PTPRN2: variants seen among roughly 807,000 people sequenced by gnomAD.
PTPRN2 encodes the protein receptor-type tyrosine-protein phosphatase N2.
A neutral mutation model predicts 118.8 loss-of-function variants in PTPRN2; 74 were observed. The ratio of observed to expected loss-of-function variants is 0.62; its 90% CI spans 0.52 to 0.76. The LOEUF is 0.76. PTPRN2 is among the 30% of genes least tolerant of loss of function. The pLI is 0.00. For synonymous variants in PTPRN2, 641 were observed against 608.0 expected (o/e 1.05, Z -0.80); for missense variants, 1,481 against 1,394.4 (o/e 1.06, Z -0.99).
At chr7:158,265,699 C>T (rs891401221) in intron 3 of PTPRN2, among the ~76,000 whole-genome samples, 4 of 152,202 alleles carry the variant, frequency 2.6e-5, no homozygotes, top group South Asian at 2.1e-4. Context: ...AGCACAGCCC[C>T]GGGTACACAG....
intron 12 of PTPRN2, among the ~76,000 whole-genome samples, chr7:157,894,678 T>G (rs1797000298): frequency 6.6e-6 from 1 of 151,934 alleles, no homozygotes; most frequent in African/African-American, 2.4e-5. Context: ...TGAGTTCCTA[T>G]AGTCACACGA....
At chr7:158,121,491 C>T (rs113802516) in intron 9 of PTPRN2, among the ~76,000 whole-genome samples, 1,766 of 152,342 alleles carry the variant, frequency 0.012, 37 homozygotes, top group African/African-American at 0.041. Context: ...AAGCCTACTG[C>T]CCCCTGCGGA....
At chr7:158,152,231 G>A (rs73173628) in intron 6 of PTPRN2, among the ~76,000 whole-genome samples, 9,076 of 149,988 alleles carry the variant, frequency 0.061, 353 homozygotes, top group South Asian at 0.1. Context: ...TTGATGCTGC[G>A]AAGAAATAAC....
chr7:158,101,735 A>G (rs1239114116), intron 10 of PTPRN2, among the ~76,000 whole-genome samples: 1 of 152,220 alleles, frequency 6.6e-6, no homozygotes, highest in African/African-American at 2.4e-5. Context: ...AATCTCACCC[A>G]GCACAGTAGT....
intron 14 of PTPRN2, among the ~76,000 whole-genome samples, chr7:157,644,817 A>C (rs1043087311): frequency 2.9e-5 from 4 of 136,468 alleles, no homozygotes; most frequent in African/African-American, 5.2e-5. Context: ...AAAAAAAAAC[A>C]AAAAACAAAA....
Position 158,324,059 on chromosome 7 carries a change from GCACA to G in PTPRN2, c.164-7131_164-7128del, listed in dbSNP as rs57802533. Among the ~76,000 whole-genome samples, 441 of 151,022 alleles carry G rather than the reference GCACA, an allele frequency of 2.9e-3. 3 individuals carry two copies. Among genetic ancestry groups the G allele is most frequent in the African/African-American group, 6.1e-3 (250 of 41,214 alleles). On this transcript the variant is annotated intron_variant, in intron 2 of 22. Transcript: ENST00000389418. Reference sequence around the variant, plus strand: ...CACGTACACACACATTTGCAAACGTGCACACACACACACACACACCCAGACACAC... The same window carrying G: ...CACGTACACACACATTTGCAAACGTGCACACACACACACACCCAGACACAC...
intron 1 of PTPRN2, among the ~76,000 whole-genome samples, chr7:158,560,439 T>TG (rs1563435175): frequency 6.6e-6 from 1 of 152,218 alleles, no homozygotes; most frequent in East Asian, 1.9e-4. Flanking sequence ...AGGGGACAAA[T>TG]GGGGGGTTTG....
intron 2 of PTPRN2, among the ~76,000 whole-genome samples, chr7:158,321,457 A>G (rs937086915): frequency 1.1e-4 from 16 of 151,936 alleles, no homozygotes; most frequent in African/African-American, 3.6e-4. Context: ...ACATGACCCT[A>G]TCGTCGAAGC....
chr7:157,570,602 C>G (rs952186167), intron 20 of PTPRN2, among the ~76,000 whole-genome samples: 9 of 152,200 alleles, frequency 5.9e-5, no homozygotes, highest in South Asian at 2.1e-4. Context: ...GTTGAGTTTT[C>G]TTTGCGTAAA....
At chr7:157,901,098 G>C (rs1038103559) in intron 11 of PTPRN2, among the ~76,000 whole-genome samples, 5 of 152,222 alleles carry the variant, frequency 3.3e-5, no homozygotes, top group African/African-American at 2.4e-5. Context: ...AGCTCACATG[G>C]GGAGAGAGGA....
chr7:157,685,360 A>ACG (rs1244175874), intron 12 of PTPRN2, among the ~76,000 whole-genome samples: 2 of 148,868 alleles, frequency 1.3e-5, no homozygotes, highest in African/African-American at 4.9e-5. Context: ...TGAGGCCCAC[A>ACG]CGCGCGCGGT....
chr7:158,171,214 CACACATATATACACACATATATAT>C, intron 5 of PTPRN2, among the ~76,000 whole-genome samples: 1 of 122,096 alleles, frequency 8.2e-6, no homozygotes, highest in African/African-American at 3.3e-5. Context: ...ACTATATATA[CACACATATATACACACATATATAT>C]ACACATATAT....
rs147146441 is a variant in PTPRN2, at chr7:158,122,892, C to T, written c.1556+10785G>A. Among the ~76,000 whole-genome samples, 713 of 152,292 alleles carry T rather than the reference C, an allele frequency of 4.7e-3. 10 individuals carry two copies. The highest frequency in any genetic ancestry group is 0.016 in the African/African-American group (681 of 41,566). Reference sequence around the variant, plus strand: ...AGGAAGCCTGCATAAAACTTCTCCACGTCTCATTTTGGCAGCCTTGTTACT... The same window carrying T: ...AGGAAGCCTGCATAAAACTTCTCCATGTCTCATTTTGGCAGCCTTGTTACT... On this transcript the variant is annotated intron_variant, in intron 9 of 22. Coordinates refer to ENST00000389418, the MANE Select transcript of PTPRN2 (RefSeq NM_002847.5).
At chr7:157,875,019 A>ACAGACACACG (rs1795660331) in intron 12 of PTPRN2, among the ~76,000 whole-genome samples, 1 of 149,474 alleles carries the variant, frequency 6.7e-6, no homozygotes, top group Non-Finnish European at 1.5e-5. Context: ...ACACAGACAC[A>ACAGACACACG]CAGACACACG....
At chr7:158,359,455 G>T (rs980665669) in intron 2 of PTPRN2, among the ~76,000 whole-genome samples, 2 of 152,134 alleles carry the variant, frequency 1.3e-5, no homozygotes, top group Non-Finnish European at 2.9e-5. Flanking sequence ...CAGCCGGGGG[G>T]ACCCAGCTGG....
Position 157,611,603 on chromosome 7 carries a change from C to T in PTPRN2, c.2345-7528G>A, listed in dbSNP as rs532161712. ...GAAATAGGGTCTTTACAGAGGTAAG[C>T]GAGCGGAGGGCATTTGGGCGGCCCT... On this transcript the variant is annotated intron_variant, in intron 15 of 22. Coordinates refer to ENST00000389418, the MANE Select transcript of PTPRN2 (RefSeq NM_002847.5). This position sits in a 1 kb window ranked among gnomAD's most constrained non-coding sequence, Gnocchi z 5.9. Among the ~76,000 whole-genome samples, 31 of 152,256 alleles carry T rather than the reference C, an allele frequency of 2.0e-4. No homozygotes were observed. The highest frequency in any genetic ancestry group is 5.2e-4 in the Admixed American group (8 of 15,304).
At chr7:157,934,066 C>G (rs956058717) in intron 11 of PTPRN2, among the ~76,000 whole-genome samples, 1 of 152,172 alleles carries the variant, frequency 6.6e-6, no homozygotes, top group Non-Finnish European at 1.5e-5. Context: ...TGCTCTTTGT[C>G]GAGAACACCA....
chr7:157,893,591 G>A lies in PTPRN2; in HGVS notation c.1788+5082C>T, dbSNP rs1203135360. 3.9e-5 allele frequency among the ~76,000 whole-genome samples: 6 copies of A among 152,176 alleles called. No individual in the cohort carries two copies. The highest frequency in any genetic ancestry group is 6.6e-5 in the Admixed American group (1 of 15,258). On this transcript the variant is annotated intron_variant, in intron 12 of 22. Coordinates refer to ENST00000389418, the MANE Select transcript of PTPRN2 (RefSeq NM_002847.5). The surrounding 1 kb of genome is among the most constrained non-coding windows in gnomAD (Gnocchi z 4.0). ...CCATTAAGAGATAAGAAAACCTGAC[G>A]GGAGAAACAGGCTGCGGCAGGAAGA...
intron 9 of PTPRN2, among the ~76,000 whole-genome samples, chr7:158,129,491 C>CAA (rs74695842): frequency 0.3 from 43,529 of 147,192 alleles, 6,890 homozygotes; most frequent in Middle Eastern, 0.45. Context: ...ACACAGCACA[C>CAA]ACACACACCA....
Sources: gnomAD v4.1 joint callset for allele counts (sites outside exome capture counted in the v4.1 genomes callset) on GRCh38, gnomAD v4.1.1 for gene constraint, Gnocchi (gnomAD v3.1) non-coding constraint, MANE v1.5 for transcripts, NCBI Gene and HGNC (gene_info 2026-07-23, HGNC 2026-07-21) for gene names.